CCNI: variants seen among roughly 807,000 people sequenced by gnomAD.
CCNI encodes the protein cyclin-I.
In CCNI, 14 loss-of-function variants were observed where a neutral mutation model predicts 34.1. The observed-to-expected ratio is 0.41, with a 90% CI of 0.27 to 0.64. CCNI has a LOEUF of 0.64. Among genes scored for constraint, CCNI ranks in the 30% least tolerant of loss-of-function variants. The probability of loss-of-function intolerance (pLI) is 0.31; values close to 1 mark genes in which losing one functional copy is unlikely to be tolerated. For missense variants in CCNI, 385 were observed against 440.5 expected (o/e 0.87, Z 1.13); for synonymous variants, 154 against 158.4 (o/e 0.97, Z 0.21).
In CCNI at chr4:77,048,265, C is replaced by A; in HGVS notation, c.1088G>T (p.Gly363Val). The change falls in exon 7 of 7, where the codon GGA becomes GTA. Residue 363 changes from glycine (G) to valine (V), a missense_variant. Coordinates refer to ENST00000237654, the MANE Select transcript of CCNI (RefSeq NM_006835.3). ...VCGTDLSRQE[G>V]HASPCPPLQP... ...CAAAGGTGGACAAGGGGAAGCATGT[C>A]CCTCTTGTCTTGATAAATCAGTGCC... The A allele has an allele frequency of 6.2e-7, 1 of 1,614,062 alleles. No individual in the cohort carries two copies. The highest frequency in any genetic ancestry group is 8.5e-7 in the Non-Finnish European group (1 of 1,179,984).
chr4:77,052,557 T>C (rs1727938572), intron 6 of CCNI, among the ~76,000 whole-genome samples: 1 of 152,142 alleles, frequency 6.6e-6, no homozygotes, highest in African/African-American at 2.4e-5. Context: ...CACCATACTT[T>C]GTCTCAAAGT....
intron 3 of CCNI, among the ~76,000 whole-genome samples, chr4:77,056,897 C>G (rs1728281411): frequency 6.6e-6 from 1 of 151,988 alleles, no homozygotes; most frequent in African/African-American, 2.4e-5. Flanking sequence ...GGCCTGAGAG[C>G]TAACTGTTAG....
chr4:77,069,493 G>A (rs1380068909), intron 1 of CCNI, among the ~76,000 whole-genome samples: 1 of 151,558 alleles, frequency 6.6e-6, no homozygotes, highest in East Asian at 1.9e-4. Context: ...ACAAAGTTCA[G>A]GTTTGTTACA....
intron 2 of CCNI, among the ~76,000 whole-genome samples, chr4:77,065,263 T>G (rs1407095380): frequency 6.6e-6 from 1 of 152,178 alleles, no homozygotes; most frequent in Non-Finnish European, 1.5e-5. Context: ...ACGAGGAACT[T>G]ACATATTTGC....
chr4:77,056,543 G>T, intron 3 of CCNI: 2 of 489,020 alleles, frequency 4.1e-6, no homozygotes, highest in Non-Finnish European at 7.4e-6. Flanking sequence ...AGTAATGAAA[G>T]GAAGGAAAGT....
intron 2 of CCNI, among the ~76,000 whole-genome samples, chr4:77,063,217 G>A (rs900946925): frequency 6.6e-6 from 1 of 152,002 alleles, no homozygotes; most frequent in Admixed American, 6.6e-5. Flanking sequence ...AGTTGGGGCA[G>A]GGGGGAAGTT....
intron 6 of CCNI, among the ~76,000 whole-genome samples, chr4:77,050,678 A>C (rs1308804318): frequency 1.3e-5 from 2 of 152,186 alleles, no homozygotes; most frequent in Non-Finnish European, 2.9e-5. Context: ...AAAAGAAAAA[A>C]AGTTAACATA....
intron 2 of CCNI, chr4:77,065,044 A>G (rs1252390344): frequency 6.6e-6 from 1 of 152,236 alleles, no homozygotes; most frequent in Non-Finnish European, 1.5e-5. Context: ...ACTTTTTCAA[A>G]GAATTAAATG....
intron 1 of CCNI, among the ~76,000 whole-genome samples, chr4:77,073,314 A>AC (rs1729630526): frequency 6.6e-6 from 1 of 152,228 alleles, no homozygotes; most frequent in African/African-American, 2.4e-5. Context: ...GGCTTACTGT[A>AC]CAGCATAACT....
At chr4:77,065,668 G>C (rs930322050) in intron 2 of CCNI, among the ~76,000 whole-genome samples, 1 of 152,210 alleles carries the variant, frequency 6.6e-6, no homozygotes, top group Non-Finnish European at 1.5e-5. Flanking sequence ...ACTACTGTTA[G>C]TATAGATTAT....
chr4:77,072,960 CT>C (rs1285292311), intron 1 of CCNI, among the ~76,000 whole-genome samples: 1 of 152,158 alleles, frequency 6.6e-6, no homozygotes, highest in Admixed American at 6.5e-5. Context: ...CTTGGCTTTT[CT>C]TTTACTGACA....
Position 77,055,152 on chromosome 4 carries a change from G to T in CCNI, c.688C>A (p.Gln230Lys), listed in dbSNP as rs746197856. Residue 230 changes from glutamine (Q) to lysine (K), a missense_variant and splice_region_variant, in exon 6 of 7, where the codon CAG (glutamine) becomes AAG (lysine). Transcript: ENST00000237654. Reference protein sequence around the residue: ...SLTIELLQKAQMDSSQLIHCR... With the variant: ...SLTIELLQKAKMDSSQLIHCR... ...TATTTAATTAGACTGACACCTACCT[G>T]TGCTTTCTGAAGCAGTTCAATTGTA... 2.5e-6 allele frequency: 4 copies of T among 1,599,214 alleles called. No homozygotes were observed. The highest frequency in any genetic ancestry group is 3.4e-6 in the Non-Finnish European group (4 of 1,166,398).
Position 77,055,982 on chromosome 4 carries a change from G to A in CCNI, c.439C>T (p.Pro147Ser), listed in dbSNP as rs1006979522. The stretch of plus-strand genomic sequence containing the variant: ...TTTACAATATGAAGAAAATCCAATG[G>A]TGTGGCTGTGTGAAGATCCCAATTC... The part of the protein sequence containing the change: ...KLNWDLHTAT[P>S]LDFLHIFHAI... Residue 147 changes from proline to serine, a missense_variant, in exon 5 of 7, where the codon CCA becomes TCA. Physicochemically the swap from Pro to Ser is moderately conservative, Grantham distance 74 (BLOSUM62 -1). Transcript: ENST00000237654. 1.2e-6 allele frequency: 2 copies of A among 1,612,590 alleles called. No individual in the cohort carries two copies. Among genetic ancestry groups the A allele is most frequent in the African/African-American group, 2.7e-5 (2 of 74,826 alleles).
chr4:77,055,938 C>T (rs771739031), intron 5 of CCNI, 24 bp downstream of exon 5: 1 of 1,577,310 alleles, frequency 6.3e-7, no homozygotes. Context: ...AAATAAGAAA[C>T]TAAAAGACTT....
chr4:77,069,665 C>T (rs1174786224), intron 1 of CCNI, among the ~76,000 whole-genome samples: 1 of 137,716 alleles, frequency 7.3e-6, no homozygotes, highest in Non-Finnish European at 1.5e-5. Flanking sequence ...TTTTTTATTA[C>T]TCACTGTGTC....
intron 2 of CCNI, among the ~76,000 whole-genome samples, chr4:77,060,625 A>AT (rs558884443): frequency 0.051 from 6,761 of 133,372 alleles, 504 homozygotes; most frequent in African/African-American, 0.17. Context: ...GGCCCGGCTA[A>AT]TTTTTTTTTT....
rs1276441046 is a variant in CCNI at position 77,048,545 on chromosome 4, C to T, written c.808G>A (p.Val270Met). 2.2e-5 allele frequency: 36 copies of T among 1,613,514 alleles called. No individual in the cohort carries two copies. In the East Asian group the frequency reaches 8.0e-4, roughly 36 times the overall value. Residue 270 changes from valine (V) to methionine (M), a missense_variant, in exon 7 of 7, where the codon GTG (valine) becomes ATG (methionine). Physicochemically the swap from Val to Met is conservative, Grantham distance 21. Coordinates refer to ENST00000237654, the MANE Select transcript of CCNI (RefSeq NM_006835.3). ...CTGAACACTCCTTTGTCACAGGTCA[C>T]CAGGGTGTGCTTGAGGGGACGGTAG... ...YVYRPLKHTL[V>M]TCDKGVFRLH...
In CCNI at chr4:77,048,670, A is replaced by G. The variant is rs757102600; in HGVS notation, c.691-8T>C. 3.3e-6 allele frequency: 5 copies of G among 1,502,488 alleles called. No homozygotes were observed. In the African/African-American group the frequency reaches 7.2e-5, roughly 22 times the overall value. The allele number at this position is 1,502,488 out of a possible 1,614,324, so 93.1% of individuals were successfully genotyped here. On this transcript the variant is annotated splice_region_variant and splice_polypyrimidine_tract_variant and intron_variant, in intron 6 of 6. Transcript: ENST00000237654. ...CAACTGGGAGCTATCCATCTGGGCC[A>G]GGAAAAAAAAAAAGCCACACACAGT...
chr4:77,066,421 A>T lies in CCNI; in HGVS notation c.-43-16T>A, dbSNP rs1729041053. On this transcript the variant is annotated splice_polypyrimidine_tract_variant and intron_variant, in intron 1 of 6. Transcript: ENST00000237654. ...CTGTAGCTACCTACAGAATCAAGTAAGTTTTAAAATTAGTTATAGAATAAG... is the reference window on the plus strand; with the variant it reads ...CTGTAGCTACCTACAGAATCAAGTATGTTTTAAAATTAGTTATAGAATAAG... 1.3e-6 allele frequency: 2 copies of T among 1,596,430 alleles called. No homozygotes were observed. Among genetic ancestry groups the T allele is most frequent in the South Asian group, 2.3e-5 (2 of 88,716 alleles).
Sources: allele counts gnomAD v4.1 joint callset (sites outside exome capture counted in the v4.1 genomes callset), GRCh38; gene constraint gnomAD v4.1.1; transcripts MANE v1.5; gene names NCBI Gene and HGNC (gene_info 2026-07-23, HGNC 2026-07-21).